FXR1: variants seen among roughly 807,000 people sequenced by gnomAD.
The protein encoded by FXR1 is FMR1 autosomal homolog 1, also known as RNA-binding protein FXR1.
In FXR1, 15 loss-of-function variants were observed where a neutral mutation model predicts 84.0. The ratio of observed to expected loss-of-function variants is 0.18; its 90% CI spans 0.12 to 0.27. FXR1 has a LOEUF of 0.27. FXR1 is among the 10% of genes least tolerant of loss of function. FXR1 has a pLI of 1.00. For missense variants in FXR1, 480 were observed against 774.4 expected (o/e 0.62, Z 4.51); for synonymous variants, 245 against 250.7 (o/e 0.98, Z 0.21).
At chr3:180,955,835 C>G (rs1168854602) in intron 9 of FXR1, among the ~76,000 whole-genome samples, 2 of 152,082 alleles carry the variant, frequency 1.3e-5, no homozygotes, top group East Asian at 1.9e-4. Context: ...GTTCTTTGTT[C>G]TCTTTATTCA....
intron 1 of FXR1, among the ~76,000 whole-genome samples, chr3:180,930,421 A>T (rs1021838083): frequency 6.6e-6 from 1 of 152,132 alleles, no homozygotes; most frequent in Non-Finnish European, 1.5e-5. Flanking sequence ...AAGGAGAGTG[A>T]GAGATTATTA....
chr3:180,913,644 G>A (rs1056322864), intron 1 of FXR1, among the ~76,000 whole-genome samples: 1 of 152,134 alleles, frequency 6.6e-6, no homozygotes, highest in Non-Finnish European at 1.5e-5. Context: ...GGCATTCAGC[G>A]TTCACATATC....
intron 13 of FXR1, among the ~76,000 whole-genome samples, chr3:180,963,921 A>G (rs187775625): frequency 6.6e-5 from 10 of 151,982 alleles, no homozygotes; most frequent in South Asian, 6.2e-4. Flanking sequence ...CTTCACTCCT[A>G]TACTTACTCC....
At chr3:180,918,619 C>T (rs1718180414) in intron 1 of FXR1, among the ~76,000 whole-genome samples, 2 of 152,158 alleles carry the variant, frequency 1.3e-5, no homozygotes, top group Non-Finnish European at 2.9e-5. Context: ...ATGATTGACC[C>T]CTAATTCTTG....
intron 3 of FXR1, among the ~76,000 whole-genome samples, chr3:180,946,373 G>A (rs1337964284): frequency 6.6e-6 from 1 of 152,130 alleles, no homozygotes; most frequent in Admixed American, 6.6e-5. Flanking sequence ...GGAAAAATAA[G>A]ATCACTAGAT....
intron 10 of FXR1, among the ~76,000 whole-genome samples, chr3:180,961,103 C>T (rs755714684): frequency 4.6e-5 from 7 of 151,930 alleles, no homozygotes; most frequent in African/African-American, 9.7e-5. Context: ...ATAATCCCAG[C>T]GCTTTGGGAA....
At chr3:180,975,535 CTT>C (rs561834150) in intron 16 of FXR1, 131 bp downstream of exon 16, 162 of 461,198 alleles carry the variant, frequency 3.5e-4, no homozygotes, top group African/African-American at 3.1e-3. Flanking sequence ...GTTAAAGACT[CTT>C]GAATATGTTC....
In FXR1 at chr3:180,947,977, G is replaced by C. The variant is rs375333640; in HGVS notation, c.270+41G>C. 181 of 1,151,322 alleles carry C rather than the reference G, an allele frequency of 1.6e-4. 1 individual carries two copies. The highest frequency in any genetic ancestry group is 2.2e-4 in the Non-Finnish European group (173 of 775,394). 71.3% of individuals were successfully genotyped at this position (1,151,322 alleles called of 1,614,324 possible). A position where few individuals can be genotyped will look rare whatever the true frequency, so the allele number is the denominator to read the frequency against. On this transcript the variant is annotated intron_variant, in intron 4 of 16. Transcript: ENST00000357559. ...ACTTGCTTTGTGACTAGTTTCTAAGGAAGTACCTCAGTGCTTGGTTTTTGT... is the reference window on the plus strand; with the variant it reads ...ACTTGCTTTGTGACTAGTTTCTAAGCAAGTACCTCAGTGCTTGGTTTTTGT...
chr3:180,919,713 G>T (rs540068600), intron 1 of FXR1, among the ~76,000 whole-genome samples: 1 of 151,924 alleles, frequency 6.6e-6, no homozygotes, highest in South Asian at 2.1e-4. Context: ...TTGCTCTGTT[G>T]CCCAGACTGG....
chr3:180,915,297 A>T, intron 1 of FXR1: 1 of 528,672 alleles, frequency 1.9e-6, no homozygotes, highest in Non-Finnish European at 3.3e-6. Context: ...GTCAGCATTT[A>T]TCAAGATTCA....
chr3:180,940,371 C>T (rs186133701), intron 3 of FXR1, among the ~76,000 whole-genome samples: 5 of 152,064 alleles, frequency 3.3e-5, no homozygotes, highest in East Asian at 1.9e-4. Flanking sequence ...CTTTAGATTT[C>T]GTTTACATTG....
At chr3:180,948,990 T>C (rs1721954239) in intron 6 of FXR1, among the ~76,000 whole-genome samples, 176 bp downstream of exon 6, 1 of 152,222 alleles carries the variant, frequency 6.6e-6, no homozygotes. Context: ...CTTAACATCA[T>C]AAAATTCTTA....
chr3:180,924,949 A>C (rs1718993215), intron 1 of FXR1, among the ~76,000 whole-genome samples: 1 of 152,226 alleles, frequency 6.6e-6, no homozygotes, highest in African/African-American at 2.4e-5. Context: ...CCCATACATA[A>C]AATGGGAAGT....
chr3:180,952,934 G>A (rs1368899289), intron 8 of FXR1, among the ~76,000 whole-genome samples: 2 of 150,544 alleles, frequency 1.3e-5, no homozygotes, highest in Non-Finnish European at 2.9e-5. Flanking sequence ...CTGGGCTCAA[G>A]CCATCCTCTG....
chr3:180,931,307 C>T (rs536140658), intron 1 of FXR1, among the ~76,000 whole-genome samples: 74 of 152,018 alleles, frequency 4.9e-4, no homozygotes, highest in African/African-American at 1.7e-3. Context: ...CAACCTCTGC[C>T]TCTTGGGTTC....
intron 11 of FXR1, 95 bp from the exon 12 acceptor site, chr3:180,962,788 C>T: frequency 2.5e-6 from 2 of 794,122 alleles, no homozygotes. Context: ...TGCCTAAGGT[C>T]ACAGCTTTGA....
chr3:180,974,316 C>T (rs370569994), intron 15 of FXR1, among the ~76,000 whole-genome samples: 52 of 152,152 alleles, frequency 3.4e-4, no homozygotes, highest in African/African-American at 1.2e-3. Context: ...TGTCACCACG[C>T]CTGGCTAATT....
intron 13 of FXR1, among the ~76,000 whole-genome samples, chr3:180,963,979 A>C (rs1240466989): frequency 6.6e-6 from 1 of 152,202 alleles, no homozygotes; most frequent in Non-Finnish European, 1.5e-5. Flanking sequence ...GCATTTAAGG[A>C]AAATAGAAAT....
At chr3:180,925,028 C>G (rs1030540165) in intron 1 of FXR1, among the ~76,000 whole-genome samples, 3 of 152,070 alleles carry the variant, frequency 2.0e-5, no homozygotes, top group Non-Finnish European at 4.4e-5. Context: ...AAATATCTTC[C>G]TCAGTGCCAT....
Sources: gnomAD v4.1 joint callset for allele counts (sites outside exome capture counted in the v4.1 genomes callset) on GRCh38, gnomAD v4.1.1 for gene constraint, MANE v1.5 for transcripts, NCBI Gene and HGNC (gene_info 2026-07-23, HGNC 2026-07-21) for gene names.